TSC22D1: variants seen among roughly 807,000 people sequenced by gnomAD.
TSC22D1 encodes TSC22 domain family protein 1.
Under a neutral mutation model 74.2 loss-of-function variants are expected in TSC22D1, and 9 were observed. The ratio of observed to expected loss-of-function variants is 0.12; its 90% confidence interval spans 0.07 to 0.21. The LOEUF is 0.21. TSC22D1 is among the 10% of genes least tolerant of loss of function. The probability of loss-of-function intolerance (pLI) is 1.00; values close to 1 mark genes in which losing one functional copy is unlikely to be tolerated. For synonymous variants in TSC22D1, 586 were observed against 492.5 expected (o/e 1.19, Z -2.51); for missense variants, 1,427 against 1,304.7 (o/e 1.09, Z -1.44).
Position 44,526,794 on chromosome 13 carries a change from C to G in TSC22D1, c.2912+46369G>C, listed in dbSNP as rs192202490. On this transcript the variant is annotated intron_variant, in intron 1 of 2. Transcript: ENST00000458659. ...TAATCGAAGAAAAAATGGCTGAAAA[C>G]TTTCCAACATTTATGACAGACACCA... Among the ~76,000 whole-genome samples the G allele has an allele frequency of 1.6e-3, 248 of 152,246 alleles. 1 individual carries two copies. Among genetic ancestry groups the G allele is most frequent in the African/African-American group, 5.8e-3 (240 of 41,552 alleles).
chr13:44,535,260 A>G (rs1319420635), intron 1 of TSC22D1, among the ~76,000 whole-genome samples: 1 of 152,048 alleles, frequency 6.6e-6, no homozygotes, highest in Non-Finnish European at 1.5e-5. Flanking sequence ...CCCTTTGATC[A>G]TAATTCCTGA....
intron 1 of TSC22D1, among the ~76,000 whole-genome samples, chr13:44,461,659 T>A (rs1224996106): frequency 6.6e-6 from 1 of 152,142 alleles, no homozygotes; most frequent in Non-Finnish European, 1.5e-5. Context: ...GCCCAAACAG[T>A]AGGGTCCTCT....
intron 1 of TSC22D1, among the ~76,000 whole-genome samples, chr13:44,561,529 A>G (rs950242073): frequency 6.6e-6 from 1 of 152,136 alleles, no homozygotes; most frequent in African/African-American, 2.4e-5. Flanking sequence ...TATGTCTTAT[A>G]TTCTTTTCTA....
chr13:44,569,401 T>A (rs1331626000), intron 1 of TSC22D1, among the ~76,000 whole-genome samples: 4 of 152,188 alleles, frequency 2.6e-5, no homozygotes, highest in Non-Finnish European at 5.9e-5. Flanking sequence ...GTGAAAGTGA[T>A]TGTTTCTAGG....
At chr13:44,491,553 CAAA>C (rs1166772028) in intron 1 of TSC22D1, among the ~76,000 whole-genome samples, 13 of 56,062 alleles carry the variant, frequency 2.3e-4, no homozygotes, top group African/African-American at 7.8e-4. Context: ...GACTCCGTCT[CAAA>C]AAAAAAAAAA....
At chr13:44,457,851 C>T (rs1327741331) in intron 1 of TSC22D1, among the ~76,000 whole-genome samples, 2 of 152,118 alleles carry the variant, frequency 1.3e-5, no homozygotes, top group Non-Finnish European at 2.9e-5. Context: ...AAAGAATTTC[C>T]AGCAGTGATA....
intron 1 of TSC22D1, among the ~76,000 whole-genome samples, chr13:44,466,093 G>C (rs1401560076): frequency 1.3e-5 from 2 of 152,174 alleles, no homozygotes; most frequent in Non-Finnish European, 1.5e-5. Context: ...CACAAGCAGG[G>C]CTGGAAATAA....
At chr13:44,538,380 A>G in intron 1 of TSC22D1, 1 of 985,302 alleles carries the variant, frequency 1.0e-6, no homozygotes, top group Non-Finnish European at 1.2e-6. Flanking sequence ...ATAATTAAGA[A>G]GTTCACCCTT....
intron 1 of TSC22D1, among the ~76,000 whole-genome samples, chr13:44,479,329 T>TC (rs1306678410): frequency 3.2e-4 from 48 of 151,732 alleles, no homozygotes; most frequent in Admixed American, 2.4e-3. Context: ...GTGATTTTTT[T>TC]TTTTTTTTTT....
rs779040403 is a variant in TSC22D1 at position 44,575,455 on chromosome 13, T to C, written c.620A>G (p.Gln207Arg). Reference protein sequence around the residue: ...PQPHLPHLPQQNVVINGNAHP... With the variant: ...PQPHLPHLPQRNVVINGNAHP... ...AGCATTCCCATTGATCACAACATTC[T>C]GTTGTGGAAGGTGAGGCAAATGAGG... Residue 207 changes from glutamine (Q) to arginine (R), a missense_variant, in exon 1 of 3, where the codon CAG becomes CGG. By Grantham distance (43) the Gln-to-Arg change is conservative. Transcript: ENST00000458659. The C allele has an allele frequency of 3.1e-6, 5 of 1,614,124 alleles. No individual in the cohort carries two copies. The South Asian group carries it at 3.3e-5, about 11-fold the overall frequency.
intron 1 of TSC22D1, among the ~76,000 whole-genome samples, chr13:44,482,186 T>C (rs1253285364): frequency 6.6e-6 from 1 of 152,204 alleles, no homozygotes. Context: ...ACTTTATACA[T>C]ACATTATATA....
chr13:44,543,555 T>C (rs1220104873), intron 1 of TSC22D1, among the ~76,000 whole-genome samples: 2 of 152,186 alleles, frequency 1.3e-5, no homozygotes, highest in Admixed American at 6.5e-5. Flanking sequence ...CCTCTAAGTA[T>C]CCAAAACAGT....
intron 1 of TSC22D1, among the ~76,000 whole-genome samples, chr13:44,510,107 G>A (rs960559846): frequency 2.0e-5 from 3 of 151,896 alleles, no homozygotes; most frequent in African/African-American, 7.3e-5. Flanking sequence ...TACTCCGCTA[G>A]GCACGGTGGC....
chr13:44,434,075 TGAG>T lies in TSC22D1; in HGVS notation c.*548_*550del, dbSNP rs1205377703. On this transcript the variant is annotated 3_prime_UTR_variant, in exon 3 of 3. Coordinates refer to ENST00000458659, the MANE Select transcript of TSC22D1 (RefSeq NM_183422.4). ...TCATAGTTTTGTGTCATCCATTGTT[TGAG>T]AAGAAAGAGGCACAGTACTATTGTT... 22 of 1,528,094 alleles carry T rather than the reference TGAG, an allele frequency of 1.4e-5. No individual in the cohort carries two copies. The East Asian group carries it at 2.9e-4, about 20-fold the overall frequency. 94.7% of individuals were successfully genotyped at this position (1,528,094 alleles called of 1,614,324 possible). A position where few individuals can be genotyped will look rare whatever the true frequency, so the allele number is the denominator to read the frequency against.
intron 1 of TSC22D1, among the ~76,000 whole-genome samples, chr13:44,507,947 T>C (rs1356542497): frequency 6.6e-6 from 1 of 152,216 alleles, no homozygotes; most frequent in Non-Finnish European, 1.5e-5. Flanking sequence ...AGAGGAATTA[T>C]ACAAATTCTA....
chr13:44,457,677 A>G (rs553395300), intron 1 of TSC22D1, among the ~76,000 whole-genome samples: 8 of 151,514 alleles, frequency 5.3e-5, no homozygotes, highest in African/African-American at 1.9e-4. Context: ...TTTTCTCAGA[A>G]TCAAAGAGAA....
At chr13:44,512,115 C>T (rs567772355) in intron 1 of TSC22D1, among the ~76,000 whole-genome samples, 1 of 152,114 alleles carries the variant, frequency 6.6e-6, no homozygotes, top group Admixed American at 6.5e-5. Context: ...CAAATTTGAA[C>T]GCCCACTGGC....
intron 1 of TSC22D1, among the ~76,000 whole-genome samples, chr13:44,469,660 T>C (rs542514154): frequency 1.3e-5 from 2 of 152,298 alleles, no homozygotes; most frequent in African/African-American, 2.4e-5. Flanking sequence ...CAGACTTGAA[T>C]TGTATTATTT....
At chr13:44,485,927 G>C (rs1285288428) in intron 1 of TSC22D1, among the ~76,000 whole-genome samples, 1 of 151,962 alleles carries the variant, frequency 6.6e-6, no homozygotes, top group East Asian at 1.9e-4. Flanking sequence ...TTTCAAGGGG[G>C]ATGGGTTTTT....
Sources: allele counts gnomAD v4.1 joint callset (sites outside exome capture counted in the v4.1 genomes callset), GRCh38; gene constraint gnomAD v4.1.1; transcripts MANE v1.5; gene names NCBI Gene and HGNC (gene_info 2026-07-23, HGNC 2026-07-21).